The following ZNF215 variants were observed in gnomAD, a reference collection of about 807,000 sequenced individuals.
ZNF215 encodes the protein BWSCR2-associated zinc finger protein 2.
ZNF215 carries 24 observed loss-of-function variants against 27.2 expected under a neutral mutation model. The ratio of observed to expected loss-of-function variants is 0.88; its 90% CI spans 0.64 to 1.24. The LOEUF is 1.24. Among genes scored for constraint, ZNF215 ranks in the 50% most tolerant of loss-of-function variants. The probability of loss-of-function intolerance (pLI) is 0.00; values close to 1 mark genes in which losing one functional copy is unlikely to be tolerated. For missense variants in ZNF215, 675 were observed against 605.7 expected (o/e 1.11, Z -1.20); for synonymous variants, 210 against 204.0 (o/e 1.03, Z -0.25).
intron 5 of ZNF215, among the ~76,000 whole-genome samples, chr11:6,972,014 A>C (rs1850728518): frequency 6.6e-6 from 1 of 152,072 alleles, no homozygotes; most frequent in South Asian, 2.1e-4. Context: ...TACTAAAGGA[A>C]ATTTTTTTTC....
chr11:6,970,518 G>A (rs1005501214), intron 5 of ZNF215, among the ~76,000 whole-genome samples: 1 of 152,152 alleles, frequency 6.6e-6, no homozygotes, highest in Admixed American at 6.5e-5. Context: ...TAATCCTTGT[G>A]TATTAACAGT....
intron 2 of ZNF215, among the ~76,000 whole-genome samples, chr11:6,930,721 A>G (rs563664877): frequency 8.5e-5 from 13 of 152,372 alleles, no homozygotes; most frequent in Non-Finnish European, 1.6e-4. Context: ...GTGTCAAGAA[A>G]TGAGATGATA....
chr11:6,945,020 G>C (rs1234224915), intron 6 of ZNF215, among the ~76,000 whole-genome samples: 1 of 152,092 alleles, frequency 6.6e-6, no homozygotes, highest in Non-Finnish European at 1.5e-5. Context: ...CCTATTAGAA[G>C]AGGAACTTGA....
chr11:6,959,320 A>T (rs570205976), downstream of ZNF215, among the ~76,000 whole-genome samples: 48 of 152,308 alleles, frequency 3.2e-4, no homozygotes, highest in Non-Finnish European at 6.5e-4. Context: ...CTTTCATTTC[A>T]TAGAGGTAAA....
downstream of ZNF215, among the ~76,000 whole-genome samples, chr11:6,958,548 C>T (rs1048354242): frequency 7.0e-6 from 1 of 142,232 alleles, no homozygotes; most frequent in Non-Finnish European, 1.5e-5. Flanking sequence ...CCTTGTTTCA[C>T]AAGCCTGTTT....
chr11:6,930,123 C>A (rs1849199645), intron 2 of ZNF215, among the ~76,000 whole-genome samples: 1 of 146,678 alleles, frequency 6.8e-6, no homozygotes, highest in South Asian at 2.1e-4. Flanking sequence ...ATTTTTTGAG[C>A]ATTTCTTTAC....
chr11:6,928,359 C>T (rs1849134204), intron 2 of ZNF215, among the ~76,000 whole-genome samples: 1 of 152,122 alleles, frequency 6.6e-6, no homozygotes. Context: ...TATTGTATCA[C>T]TGTTGACTTC....
In ZNF215 at chr11:6,931,522, ATTGCGTAATTC is replaced by A. The variant is rs565116389; in HGVS notation, c.-179-570_-179-560del. ...TGCGCCTAAGACATCCCTGGTGGGCATTGCGTAATTCTCCATAGTAACTCCTAACAAATATA... is the reference window on the plus strand; with the variant it reads ...TGCGCCTAAGACATCCCTGGTGGGCATCCATAGTAACTCCTAACAAATATA... On this transcript the variant is annotated intron_variant, in intron 2 of 6. Coordinates refer to ENST00000278319, the MANE Select transcript of ZNF215 (RefSeq NM_013250.4). Among the ~76,000 whole-genome samples, 642 of 152,362 alleles carry A rather than the reference ATTGCGTAATTC, an allele frequency of 4.2e-3. 7 individuals are homozygous for A. Among genetic ancestry groups the A allele is most frequent in the African/African-American group, 0.014 (597 of 41,582 alleles).
chr11:6,974,402 T>A (rs1452705753), intron 5 of ZNF215, among the ~76,000 whole-genome samples: 1 of 152,192 alleles, frequency 6.6e-6, no homozygotes, highest in Non-Finnish European at 1.5e-5. Context: ...CCATATGAAC[T>A]TTAAAGTAGT....
At chr11:6,958,268 C>T (rs540381775), downstream of ZNF215, among the ~76,000 whole-genome samples, 1 of 152,220 alleles carries the variant, frequency 6.6e-6, no homozygotes, top group South Asian at 2.1e-4. Context: ...ATTCCAAGTC[C>T]AATATTTCAA....
downstream of ZNF215, among the ~76,000 whole-genome samples, chr11:6,990,760 G>A (rs112091213): frequency 6.6e-6 from 1 of 151,980 alleles, no homozygotes; most frequent in South Asian, 2.1e-4. Context: ...ACACACACGC[G>A]CACATGTGCG....
chr11:6,960,778 A>G (rs1046528010), downstream of ZNF215, among the ~76,000 whole-genome samples: 4 of 152,110 alleles, frequency 2.6e-5, no homozygotes, highest in African/African-American at 7.2e-5. Context: ...TTTTACCATC[A>G]TCTCCAGCCT....
intron 6 of ZNF215, among the ~76,000 whole-genome samples, chr11:6,954,208 A>C (rs1335311985): frequency 6.6e-6 from 1 of 151,686 alleles, no homozygotes; most frequent in Non-Finnish European, 1.5e-5. Flanking sequence ...TTGAGGAGGC[A>C]GTCTGCCCGT....
Position 6,958,026 on chromosome 11 carries a change from G to T in ZNF215, c.*1495G>T. On this transcript the variant is annotated 3_prime_UTR_variant, in exon 7 of 7. Coordinates refer to ENST00000278319, the MANE Select transcript of ZNF215 (RefSeq NM_013250.4). The stretch of plus-strand genomic sequence containing the variant: ...AAGGTATACTGGAGTGAACTCCTAT[G>T]ATTAAATAATGTCAAAATCTATGTT... The T allele has an allele frequency of 1.0e-6, 1 of 985,398 alleles. No homozygotes were observed. 61.0% of individuals were successfully genotyped at this position (985,398 alleles called of 1,614,324 possible). A position where few individuals can be genotyped will look rare whatever the true frequency, so the allele number is the denominator to read the frequency against.
chr11:6,976,877 T>C (rs1337707953), intron 5 of ZNF215, among the ~76,000 whole-genome samples: 2 of 152,098 alleles, frequency 1.3e-5, no homozygotes, highest in African/African-American at 4.8e-5. Flanking sequence ...CTCATCTTTA[T>C]GTTCTGATAT....
chr11:6,941,750 T>G (rs1849638405), intron 4 of ZNF215, 97 bp downstream of exon 4: 1 of 1,276,292 alleles, frequency 7.8e-7, no homozygotes, highest in South Asian at 1.3e-5. Context: ...CAAACATGGT[T>G]CCATCCAAGA....
At chr11:6,984,693 T>C (rs918711599), downstream of ZNF215, 2 of 152,196 alleles carry the variant, frequency 1.3e-5, no homozygotes, top group Non-Finnish European at 2.9e-5. Flanking sequence ...GTATATGGTA[T>C]GATTCCATAG....
At chr11:6,960,804 T>C (rs1453474553), downstream of ZNF215, among the ~76,000 whole-genome samples, 1 of 152,176 alleles carries the variant, frequency 6.6e-6, no homozygotes, top group African/African-American at 2.4e-5. Context: ...AAATGGACAC[T>C]ACAGAGCTCT....
intron 5 of ZNF215, among the ~76,000 whole-genome samples, chr11:6,966,608 C>G (rs1299531829): frequency 6.6e-6 from 1 of 152,242 alleles, no homozygotes; most frequent in East Asian, 1.9e-4. Flanking sequence ...TCTATAGGAT[C>G]TATAGTCCCT....
Sources: gnomAD v4.1 joint callset for allele counts (sites outside exome capture counted in the v4.1 genomes callset) on GRCh38, gnomAD v4.1.1 for gene constraint, MANE v1.5 for transcripts, NCBI Gene and HGNC (gene_info 2026-07-23, HGNC 2026-07-21) for gene names.